TIMP2: variants seen among roughly 807,000 people sequenced by gnomAD.
TIMP2 encodes the protein metalloproteinase inhibitor 2.
A neutral mutation model predicts 24.3 loss-of-function variants in TIMP2; 5 were observed. The observed-to-expected ratio is 0.21, with a 90% CI of 0.11 to 0.43. TIMP2 has a LOEUF of 0.43. Ranked by LOEUF, TIMP2 falls within the 20% of genes least tolerant of loss-of-function variation. TIMP2 has a pLI of 1.00. For synonymous variants in TIMP2, 130 were observed against 123.2 expected (o/e 1.06, Z -0.37); for missense variants, 221 against 297.5 (o/e 0.74, Z 1.89).
At chr17:78,868,088 C>A (rs2069633953) in intron 3 of TIMP2, among the ~76,000 whole-genome samples, 2 of 152,246 alleles carry the variant, frequency 1.3e-5, no homozygotes. Context: ...GCTCACTAAG[C>A]ACACATTGAT....
chr17:78,919,571 A>C (rs1276606110), intron 1 of TIMP2, among the ~76,000 whole-genome samples: 3 of 152,306 alleles, frequency 2.0e-5, no homozygotes, highest in African/African-American at 7.2e-5. Context: ...GCGGTGGCTC[A>C]AGCCTGTAAT....
intron 1 of TIMP2, among the ~76,000 whole-genome samples, chr17:78,900,569 T>G (rs971981869): frequency 6.6e-6 from 1 of 151,802 alleles, no homozygotes; most frequent in African/African-American, 2.4e-5. Flanking sequence ...ATGTGTTTTT[T>G]AATAAAGTAA....
chr17:78,885,561 C>G (rs935216416), intron 1 of TIMP2, among the ~76,000 whole-genome samples: 7 of 152,182 alleles, frequency 4.6e-5, no homozygotes, highest in Non-Finnish European at 1.0e-4. Context: ...CAACATAGCC[C>G]TATGAGGTGC....
chr17:78,879,791 C>T (rs1042115467), intron 1 of TIMP2, among the ~76,000 whole-genome samples: 1 of 152,178 alleles, frequency 6.6e-6, no homozygotes, highest in Non-Finnish European at 1.5e-5. Context: ...AATGTACAAC[C>T]GTCGGCTGAA....
At chr17:78,917,888 C>T (rs754985869) in intron 1 of TIMP2, among the ~76,000 whole-genome samples, 6 of 152,150 alleles carry the variant, frequency 3.9e-5, no homozygotes, top group South Asian at 2.1e-4. Flanking sequence ...AAGGCAAGAT[C>T]GTTACCATCG....
intron 1 of TIMP2, among the ~76,000 whole-genome samples, chr17:78,894,295 T>G (rs1192437867): frequency 1.3e-5 from 2 of 152,002 alleles, no homozygotes; most frequent in Non-Finnish European, 2.9e-5. Context: ...CCTCTGCTGC[T>G]TGGACGAACC....
At chr17:78,893,681 C>T (rs2145774317) in intron 1 of TIMP2, among the ~76,000 whole-genome samples, 1 of 152,042 alleles carries the variant, frequency 6.6e-6, no homozygotes, top group South Asian at 2.1e-4. Context: ...TGTGTGCATG[C>T]AAGTCTGATA....
chr17:78,915,454 G>T (rs4789934), intron 1 of TIMP2, among the ~76,000 whole-genome samples: 9 of 151,926 alleles, frequency 5.9e-5, no homozygotes, highest in African/African-American at 2.2e-4. Context: ...CCCCAAGCCA[G>T]TATCAGTCTG....
chr17:78,869,432 A>C (rs1324542916), intron 3 of TIMP2, among the ~76,000 whole-genome samples: 1 of 150,538 alleles, frequency 6.6e-6, no homozygotes, highest in Admixed American at 6.6e-5. Flanking sequence ...AAAAAAACAA[A>C]CCAAAAAACT....
chr17:78,903,199 C>T (rs1327438605), intron 1 of TIMP2: 1 of 152,378 alleles, frequency 6.6e-6, no homozygotes, highest in Non-Finnish European at 1.5e-5. Flanking sequence ...GCTGGCTACT[C>T]ATAGCAGGCT....
chr17:78,857,927 G>A (rs1182898064), intron 3 of TIMP2, among the ~76,000 whole-genome samples: 2 of 151,568 alleles, frequency 1.3e-5, no homozygotes, highest in Non-Finnish European at 2.9e-5. Context: ...AAAATTAGCC[G>A]GGTGTGGTGT....
At position 78,891,234 on chromosome 17, in the gene TIMP2, T is replaced by C. The variant is rs749897453; in HGVS notation, c.131-17315A>G. The C allele has an allele frequency of 3.7e-5, 58 of 1,550,582 alleles. No individual in the cohort carries two copies. Among genetic ancestry groups the C allele is most frequent in the Middle Eastern group, 1.7e-4 (1 of 6,014 alleles). On this transcript the variant is annotated intron_variant, in intron 1 of 4. Coordinates refer to ENST00000262768, the MANE Select transcript of TIMP2 (RefSeq NM_003255.5). The surrounding 1 kb of genome is among the most constrained non-coding windows in gnomAD (Gnocchi z 4.5). ...TTCTGGGCCTTGCCCATGAACGTTTTCAAGTCGGTCTTGGACGCTGCCTGC... is the reference window on the plus strand; with the variant it reads ...TTCTGGGCCTTGCCCATGAACGTTTCCAAGTCGGTCTTGGACGCTGCCTGC...
At chr17:78,909,601 G>A (rs776432327) in intron 1 of TIMP2, among the ~76,000 whole-genome samples, 8 of 151,958 alleles carry the variant, frequency 5.3e-5, no homozygotes, top group Non-Finnish European at 1.2e-4. Context: ...CCGTGTGACC[G>A]TGGGCAAACG....
At chr17:78,857,188 A>G (rs528593474) in intron 4 of TIMP2, 1 of 265,980 alleles carries the variant, frequency 3.8e-6, no homozygotes, top group Admixed American at 4.7e-5. Context: ...GGGTTTCGCC[A>G]TGTTGGTGAG....
Position 78,911,121 on chromosome 17 carries a change from T to A in TIMP2, c.130+13838A>T, listed in dbSNP as rs771005484. On this transcript the variant is annotated intron_variant, in intron 1 of 4. Transcript: ENST00000262768. ...TCCCCTTCCTTGCCTGAGCTGGGCC[T>A]TTCTGATCATCTGTCCCCGTCCCTT... 4.1e-4 allele frequency among the ~76,000 whole-genome samples: 62 copies of A among 152,206 alleles called. 1 individual carries two copies. The highest frequency in any genetic ancestry group is 1.3e-4 in the Non-Finnish European group (9 of 68,044).
chr17:78,861,626 G>A (rs924930892), intron 3 of TIMP2, among the ~76,000 whole-genome samples: 7 of 149,646 alleles, frequency 4.7e-5, no homozygotes, highest in East Asian at 1.9e-4. Flanking sequence ...TTTTGGAGAC[G>A]GAGTCTTGCT....
rs545357830 is a variant in TIMP2, at chr17:78,916,388, G to A, written c.130+8571C>T. The stretch of plus-strand genomic sequence containing the variant: ...AAGGCCCCGTTACACAATTTCCACT[G>A]TCTGCTGAAGTTCTAGCTCAAATCC... On this transcript the variant is annotated intron_variant, in intron 1 of 4. Transcript: ENST00000262768. 5.3e-5 allele frequency among the ~76,000 whole-genome samples: 8 copies of A among 152,280 alleles called. 1 individual carries two copies. The highest frequency in any genetic ancestry group is 1.4e-4 in the African/African-American group (6 of 41,546).
chr17:78,876,424 A>G (rs555773428), intron 1 of TIMP2, among the ~76,000 whole-genome samples: 30 of 152,036 alleles, frequency 2.0e-4, no homozygotes, highest in African/African-American at 7.2e-4. Context: ...GCAGTGGCGC[A>G]ATCTCAGCCA....
rs578083142 is a variant in TIMP2 at position 78,855,681 on chromosome 17, T to C, written c.649A>G (p.Ile217Val). Reference protein sequence around the residue: ...AAPPKQEFLDIEDP With the variant: ...AAPPKQEFLDVEDP The stretch of plus-strand genomic sequence containing the variant: ...TGGAGGCCTGCTTATGGGTCCTCGA[T>C]GTCGAGAAACTCCTGCTTGGGGGGC... The change falls in exon 5 of 5, where the codon ATC becomes GTC. Residue 217 changes from isoleucine (I) to valine (V), a missense_variant. Transcript: ENST00000262768. This position sits in a 1 kb window ranked among gnomAD's most constrained non-coding sequence, Gnocchi z 6.0. 6.2e-7 allele frequency: 1 copy of C among 1,613,884 alleles called. No homozygotes were observed. The highest frequency in any genetic ancestry group is 8.5e-7 in the Non-Finnish European group (1 of 1,180,008).
Sources: allele counts gnomAD v4.1 joint callset (sites outside exome capture counted in the v4.1 genomes callset), GRCh38; gene constraint gnomAD v4.1.1; non-coding constraint Gnocchi (gnomAD v3.1); transcripts MANE v1.5; gene names NCBI Gene and HGNC (gene_info 2026-07-23, HGNC 2026-07-21).